The following MAP4K1 variants were observed in gnomAD, a reference collection of about 807,000 sequenced individuals.
MAP4K1 encodes mitogen-activated protein kinase kinase kinase kinase 1.
A neutral mutation model predicts 122.8 loss-of-function variants in MAP4K1; 35 were observed. The ratio of observed to expected loss-of-function variants is 0.29; its 90% CI spans 0.22 to 0.38. The LOEUF (loss-of-function observed/expected upper bound fraction) is 0.38. MAP4K1 is among the 10% of genes least tolerant of loss of function. The pLI is 1.00. For synonymous variants in MAP4K1, 412 were observed against 421.3 expected (o/e 0.98, Z 0.27); for missense variants, 791 against 1,072.6 (o/e 0.74, Z 3.67).
At chr19:38,608,799 C>CAAAAAAAAAAAAAAAAAAAAA (rs1031744033) in intron 13 of MAP4K1, among the ~76,000 whole-genome samples, 1 of 9,550 alleles carries the variant, frequency 1.0e-4, no homozygotes, top group African/African-American at 3.6e-4. Flanking sequence ...AACTCCGTCT[C>CAAAAAAAAAAAAAAAAAAAAA]AAAAAAAAAA....
intron 22 of MAP4K1, among the ~76,000 whole-genome samples, chr19:38,599,256 G>A (rs1001014316): frequency 5.4e-5 from 8 of 148,402 alleles, no homozygotes; most frequent in African/African-American, 7.5e-5. Context: ...GCTGAGGCAC[G>A]AGAATTGCTT....
Position 38,597,251 on chromosome 19 carries a change from A to G in MAP4K1, c.1837+75T>C. The G allele has an allele frequency of 6.2e-7, 1 of 1,601,132 alleles. No individual in the cohort carries two copies. The highest frequency in any genetic ancestry group is 1.1e-5 in the South Asian group (1 of 90,844). On this transcript the variant is annotated intron_variant, in intron 24 of 30. Coordinates refer to ENST00000396857, the MANE Select transcript of MAP4K1 (RefSeq NM_001042600.3). This position sits in a 1 kb window ranked among gnomAD's most constrained non-coding sequence, Gnocchi z 4.6. The stretch of plus-strand genomic sequence containing the variant: ...ATTGCCTTAACTCTGTAACCTTCTC[A>G]GGTGGATGCAGTTCAAGCCCCTCCT...
intron 4 of MAP4K1, 24 bp downstream of exon 4, chr19:38,616,170 TG>T (rs1251886857): frequency 6.2e-7 from 1 of 1,602,780 alleles, no homozygotes; most frequent in Admixed American, 1.7e-5. Flanking sequence ...GAGGGGTGCT[TG>T]GGTCCCGTTG....
chr19:38,608,253 T>C, intron 13 of MAP4K1, 83 bp from the exon 14 acceptor site: 1 of 499,042 alleles, frequency 2.0e-6, no homozygotes, highest in African/African-American at 2.1e-5. Context: ...AAGAGTAGAA[T>C]TGGCGGGGGG....
At chr19:38,595,867 A>C in intron 27 of MAP4K1, 72 bp downstream of exon 27, 2 of 1,571,234 alleles carry the variant, frequency 1.3e-6, no homozygotes, top group Non-Finnish European at 1.8e-6. Context: ...TGAGAAGCAC[A>C]AGTTCGGAGG....
chr19:38,615,353 G>A (rs757852448), intron 4 of MAP4K1, among the ~76,000 whole-genome samples: 1 of 151,306 alleles, frequency 6.6e-6, no homozygotes, highest in Admixed American at 6.6e-5. Flanking sequence ...GAGCAGGGGC[G>A]TCATGTGACT....
chr19:38,614,945 A>T (rs1028007036), intron 4 of MAP4K1: 2 of 152,684 alleles, frequency 1.3e-5, no homozygotes, highest in Admixed American at 1.3e-4. Context: ...AAAAAAAAAA[A>T]AAAGGAAAGA....
intron 19 of MAP4K1, among the ~76,000 whole-genome samples, chr19:38,603,297 T>C (rs1026900206): frequency 4.0e-5 from 6 of 149,370 alleles, no homozygotes; most frequent in Admixed American, 1.3e-4. Flanking sequence ...CACACACACA[T>C]ACATGTATAC....
chr19:38,594,829 T>A lies in MAP4K1; in HGVS notation c.2340+656A>T, dbSNP rs192942150. On this transcript the variant is annotated intron_variant, in intron 29 of 30. Coordinates refer to ENST00000396857, the MANE Select transcript of MAP4K1 (RefSeq NM_001042600.3). ...GGCGGCATGCACCTGTAGTCTCAGCTACTCAGGAGGCTGAGGCAGGAGAAT... is the reference window on the plus strand; with the variant it reads ...GGCGGCATGCACCTGTAGTCTCAGCAACTCAGGAGGCTGAGGCAGGAGAAT... Among the ~76,000 whole-genome samples, 573 of 151,812 alleles carry A rather than the reference T, an allele frequency of 3.8e-3. 2 individuals carry two copies. The highest frequency in any genetic ancestry group is 0.014 in the African/African-American group (564 of 41,376).
Position 38,612,694 on chromosome 19 carries a change from C to G in MAP4K1, c.582G>C (p.Glu194Asp). 1 of 1,613,948 alleles carries G rather than the reference C, an allele frequency of 6.2e-7. No individual in the cohort carries two copies. Among genetic ancestry groups the G allele is most frequent in the Non-Finnish European group, 8.5e-7 (1 of 1,179,954 alleles). ...TGCCCAGGGACCAGATGTCACACAG[C>G]TCATTGTATCCTCCCTTCAGGGCCA... ...AAVALKGGYN[E>D]LCDIWSLGIT... Residue 194 changes from glutamate to aspartate, a missense_variant, in exon 9 of 31, where the codon GAG becomes GAC. Transcript: ENST00000396857.
intron 30 of MAP4K1, 103 bp downstream of exon 30, chr19:38,593,179 A>T (rs1023261188): frequency 1.8e-6 from 2 of 1,102,794 alleles, no homozygotes; most frequent in Non-Finnish European, 2.6e-6. Flanking sequence ...ACCAGGTGAG[A>T]CACTGTCCAG....
chr19:38,609,951 C>G lies in MAP4K1; in HGVS notation c.885G>C (p.Gly295=), dbSNP rs370713619. 2 of 1,614,196 alleles carry G rather than the reference C, an allele frequency of 1.2e-6. No homozygotes were observed. The highest frequency in any genetic ancestry group is 2.2e-5 in the South Asian group (2 of 91,076). Residue 295 remains glycine, a synonymous_variant, in exon 12 of 31, where the codon GGG becomes GGC. Coordinates refer to ENST00000396857, the MANE Select transcript of MAP4K1 (RefSeq NM_001042600.3). The part of the protein sequence containing the change: ...LDLLDKLKNP[G]KGPSIGDIED... ...CAATGTCCCCAATGGAGGGTCCTTT[C>G]CCGGGATTCTTCAGTTTGTCAAGAA...
chr19:38,588,323 C>A (rs987404021), intron 30 of MAP4K1, among the ~76,000 whole-genome samples: 10 of 152,124 alleles, frequency 6.6e-5, no homozygotes, highest in African/African-American at 2.4e-4. Context: ...ACCCTTCTGG[C>A]ATGTCAAAAG....
chr19:38,613,840 C>T (rs763911932), intron 8 of MAP4K1, 40 bp downstream of exon 8: 1 of 1,521,694 alleles, frequency 6.6e-7, no homozygotes, highest in South Asian at 1.2e-5. Context: ...AAACCACTGA[C>T]CCCCACTCCA....
At chr19:38,600,275 A>C in intron 20 of MAP4K1, 122 bp from the exon 21 acceptor site, 3 of 774,194 alleles carry the variant, frequency 3.9e-6, no homozygotes, top group Non-Finnish European at 4.3e-6. Context: ...TCTTTCTCCA[A>C]ACCAATACTC....
At chr19:38,594,251 G>A (rs1974805522) in intron 29 of MAP4K1, among the ~76,000 whole-genome samples, 1 of 152,124 alleles carries the variant, frequency 6.6e-6, no homozygotes, top group Non-Finnish European at 1.5e-5. Flanking sequence ...AGAGGCTGAG[G>A]AGGGAGGATT....
In MAP4K1 at chr19:38,600,799, ATT is replaced by A. The variant is rs560496607; in HGVS notation, c.1531+640_1531+641del. On this transcript the variant is annotated intron_variant, in intron 20 of 30. Transcript: ENST00000396857. ...CACTCTCCAACTCATCCCTCTACCCATTTTTTTTTTTTTTTTTTTTTTTTGAG... is the reference window on the plus strand; with the variant it reads ...CACTCTCCAACTCATCCCTCTACCCATTTTTTTTTTTTTTTTTTTTTTGAG... Among the ~76,000 whole-genome samples, 237 of 90,962 alleles carry A rather than the reference ATT, an allele frequency of 2.6e-3. 1 individual carries two copies. Among genetic ancestry groups the A allele is most frequent in the East Asian group, 0.026 (85 of 3,312 alleles). The allele number at this position is 90,962 out of a possible 152,430, so 59.7% of individuals were successfully genotyped here.
chr19:38,615,360 G>T (rs1975619104), intron 4 of MAP4K1, among the ~76,000 whole-genome samples: 1 of 150,960 alleles, frequency 6.6e-6, no homozygotes, highest in African/African-American at 2.4e-5. Context: ...GGCGTCATGT[G>T]ACTTTGCAAA....
chr19:38,615,545 C>T (rs1403379136), intron 4 of MAP4K1, among the ~76,000 whole-genome samples: 1 of 151,886 alleles, frequency 6.6e-6, no homozygotes, highest in Non-Finnish European at 1.5e-5. Context: ...CAGAGGGTAA[C>T]GAGGTAAGAA....
Sources: gnomAD v4.1 joint callset for allele counts (sites outside exome capture counted in the v4.1 genomes callset) on GRCh38, gnomAD v4.1.1 for gene constraint, Gnocchi (gnomAD v3.1) non-coding constraint, MANE v1.5 for transcripts, NCBI Gene and HGNC (gene_info 2026-07-23, HGNC 2026-07-21) for gene names.